The following ZFAND3 variants were observed in gnomAD, a reference collection of about 807,000 sequenced individuals.
ZFAND3 encodes zinc finger AN1-type containing 3, also known as AN1-type zinc finger protein 3.
In ZFAND3, 10 loss-of-function variants were observed where a neutral mutation model predicts 29.6. That is an observed-to-expected ratio of 0.34 (90% confidence interval 0.21 to 0.57). ZFAND3 has a LOEUF of 0.57. ZFAND3 is among the 20% of genes least tolerant of loss of function. ZFAND3 has a pLI of 0.86. For synonymous variants in ZFAND3, 128 were observed against 112.6 expected, an observed-to-expected ratio of 1.14 and a Z score of -0.87; for missense variants, 230 against 304.5, an observed-to-expected ratio of 0.76 and a Z score of 1.82.
chr6:38,041,676 CTTCTT>C lies in ZFAND3; in HGVS notation c.113-19916_113-19912del, dbSNP rs1561976749. On this transcript the variant is annotated intron_variant, in intron 2 of 5. Transcript: ENST00000287218. ...TCTTCTTCTTCTTCTTCTTCTTCTTCTTCTTCTTCTCCTTCTCCTTCTCCTCCTCC... is the reference window on the plus strand; with the variant it reads ...TCTTCTTCTTCTTCTTCTTCTTCTTCCTTCTCCTTCTCCTTCTCCTCCTCC... Among the ~76,000 whole-genome samples the C allele has an allele frequency of 2.7e-3, 69 of 25,250 alleles. 1 individual carries two copies. The highest frequency in any genetic ancestry group is 9.4e-3 in the African/African-American group (65 of 6,882). 16.6% of individuals were successfully genotyped at this position (25,250 alleles called of 152,430 possible).
At chr6:38,003,819 A>G in intron 2 of ZFAND3, 1 of 452,486 alleles carries the variant, frequency 2.2e-6, no homozygotes, top group Non-Finnish European at 4.4e-6. Context: ...CCAGAATCTT[A>G]ACATTGCTAT....
At chr6:38,000,618 C>A (rs957050569) in intron 2 of ZFAND3, among the ~76,000 whole-genome samples, 4 of 152,102 alleles carry the variant, frequency 2.6e-5, no homozygotes, top group Non-Finnish European at 5.9e-5. Context: ...CTGGGAAAGA[C>A]CTGCCCCCAT....
intron 1 of ZFAND3, among the ~76,000 whole-genome samples, chr6:37,908,542 T>TAAAAAAAAAAAAAAAAAAAAAAATA (rs70981504): frequency 8.1e-6 from 1 of 124,130 alleles, no homozygotes; most frequent in Non-Finnish European, 1.7e-5. Flanking sequence ...AAAAAAAAAT[T>TAAAAAAAAAAAAAAAAAAAAAAATA]AAAAAAAAAA....
intron 1 of ZFAND3, among the ~76,000 whole-genome samples, chr6:37,907,179 GA>G (rs767771500): frequency 6.6e-6 from 1 of 151,656 alleles, no homozygotes; most frequent in Non-Finnish European, 1.5e-5. Flanking sequence ...AAATATCATT[GA>G]TTTTTTTTCA....
At chr6:37,978,326 T>C (rs1762524210) in intron 2 of ZFAND3, among the ~76,000 whole-genome samples, 1 of 152,218 alleles carries the variant, frequency 6.6e-6, no homozygotes, top group Non-Finnish European at 1.5e-5. Flanking sequence ...TACATTCTAT[T>C]TTTGGATAAA....
intron 1 of ZFAND3, among the ~76,000 whole-genome samples, chr6:37,848,442 T>C (rs1764221526): frequency 6.6e-6 from 1 of 152,268 alleles, no homozygotes; most frequent in South Asian, 2.1e-4. Flanking sequence ...ATTTTCATTT[T>C]TGAATAAATG....
intron 1 of ZFAND3, among the ~76,000 whole-genome samples, chr6:37,901,472 C>T (rs564769990): frequency 6.6e-5 from 10 of 152,142 alleles, no homozygotes; most frequent in South Asian, 4.2e-4. Context: ...ATTAGCGAGA[C>T]GTGGTGGCAC....
At chr6:38,030,548 T>C (rs1216939303) in intron 2 of ZFAND3, among the ~76,000 whole-genome samples, 1 of 152,088 alleles carries the variant, frequency 6.6e-6, no homozygotes, top group African/African-American at 2.4e-5. Flanking sequence ...AAGGACACAT[T>C]TCATTCCAAG....
chr6:37,925,122 C>G (rs1261561977), intron 1 of ZFAND3, among the ~76,000 whole-genome samples: 2 of 151,890 alleles, frequency 1.3e-5, no homozygotes. Context: ...GGATTTTATA[C>G]TCAATAGGAA....
intron 2 of ZFAND3, among the ~76,000 whole-genome samples, chr6:37,962,396 G>A (rs1581794685): frequency 6.6e-6 from 1 of 152,286 alleles, no homozygotes; most frequent in Admixed American, 6.5e-5. Context: ...GGCTTAAAGG[G>A]GAGGTAGAGA....
At chr6:37,853,631 A>C (rs1203024314) in intron 1 of ZFAND3, among the ~76,000 whole-genome samples, 4 of 152,188 alleles carry the variant, frequency 2.6e-5, no homozygotes, top group Admixed American at 6.5e-5. Context: ...CAAATGGATT[A>C]TATTCTAAAA....
chr6:37,971,830 TGAAAAA>T (rs1443710381), intron 2 of ZFAND3, among the ~76,000 whole-genome samples: 418 of 41,082 alleles, frequency 0.01, 2 homozygotes, highest in African/African-American at 0.034. Context: ...CTGTACAAAA[TGAAAAA>T]AAAAAAAAAA....
At chr6:38,093,550 G>A (rs1007530779) in intron 4 of ZFAND3, among the ~76,000 whole-genome samples, 1 of 152,290 alleles carries the variant, frequency 6.6e-6, no homozygotes. Flanking sequence ...GCAGGAAAGA[G>A]AAAGAGGAGC....
intron 4 of ZFAND3, among the ~76,000 whole-genome samples, chr6:38,084,552 G>A (rs1198077126): frequency 6.6e-6 from 1 of 152,194 alleles, no homozygotes; most frequent in African/African-American, 2.4e-5. Flanking sequence ...AGAAAGAAGA[G>A]TAAAGTAGAA....
intron 2 of ZFAND3, among the ~76,000 whole-genome samples, chr6:38,003,963 T>A (rs1762997493): frequency 6.6e-6 from 1 of 152,152 alleles, no homozygotes; most frequent in Admixed American, 6.5e-5. Context: ...GACTCTAATA[T>A]TGTTTGAGGG....
At chr6:37,855,000 G>A (rs1764354316) in intron 1 of ZFAND3, among the ~76,000 whole-genome samples, 1 of 129,594 alleles carries the variant, frequency 7.7e-6, no homozygotes, top group South Asian at 2.5e-4. Context: ...GAGGCATTTG[G>A]GATCTTGCTG....
At chr6:38,126,063 C>G (rs1765628903) in intron 5 of ZFAND3, among the ~76,000 whole-genome samples, 1 of 152,126 alleles carries the variant, frequency 6.6e-6, no homozygotes, top group Non-Finnish European at 1.5e-5. Flanking sequence ...CCAAAAAGTT[C>G]CCTCATGCCC....
chr6:37,929,926 C>G (rs760504510), intron 1 of ZFAND3, 33 bp from the exon 2 acceptor site: 2 of 1,571,782 alleles, frequency 1.3e-6, no homozygotes, highest in Non-Finnish European at 1.7e-6. Flanking sequence ...GTTTTTAGCT[C>G]TTCTTTCTTT....
chr6:38,082,377 CCTTT>C lies in ZFAND3; in HGVS notation c.296-12_296-9del. The C allele has an allele frequency of 6.2e-7, 1 of 1,609,920 alleles. No individual in the cohort carries two copies. Among genetic ancestry groups the C allele is most frequent in the East Asian group, 2.2e-5 (1 of 44,830 alleles). ...GGATGTGTCCTGACTGATGCACCTGCCTTTCTGTTTCTAGGTGGGCCATGCACAG... is the reference window on the plus strand; with the variant it reads ...GGATGTGTCCTGACTGATGCACCTGCCTGTTTCTAGGTGGGCCATGCACAG... On this transcript the variant is annotated splice_polypyrimidine_tract_variant and intron_variant, in intron 3 of 5. Coordinates refer to ENST00000287218, the MANE Select transcript of ZFAND3 (RefSeq NM_021943.3).
Sources: allele counts gnomAD v4.1 joint callset (sites outside exome capture counted in the v4.1 genomes callset), GRCh38; gene constraint gnomAD v4.1.1; transcripts MANE v1.5; gene names NCBI Gene and HGNC (gene_info 2026-07-23, HGNC 2026-07-21).